Variants in RBMS3 observed in about 807,000 individuals in gnomAD.
The protein encoded by RBMS3 is RNA binding motif single stranded interacting protein 3.
In RBMS3, 27 loss-of-function variants were observed where a neutral mutation model predicts 66.8. The observed-to-expected ratio is 0.40, with a 90% CI of 0.30 to 0.56. RBMS3 has a LOEUF of 0.56. Ranked by LOEUF, RBMS3 falls within the 20% of genes least tolerant of loss-of-function variation. The pLI, the probability that RBMS3 is intolerant of heterozygous loss-of-function variation, is 0.40. For synonymous variants in RBMS3, 188 were observed against 183.0 expected, an observed-to-expected ratio of 1.03 and a Z score of -0.22; for missense variants, 513 against 549.5, an observed-to-expected ratio of 0.93 and a Z score of 0.66.
At chr3:29,818,719 T>A (rs1410253094) in intron 6 of RBMS3, among the ~76,000 whole-genome samples, 1 of 152,184 alleles carries the variant, frequency 6.6e-6, no homozygotes. Context: ...TCTTCAAGCA[T>A]CCCATTTTAT....
At chr3:29,866,660 T>C (rs1343034274) in intron 6 of RBMS3, among the ~76,000 whole-genome samples, 1 of 152,174 alleles carries the variant, frequency 6.6e-6, no homozygotes, top group Non-Finnish European at 1.5e-5. Flanking sequence ...TCAGAGAATA[T>C]TGGGATGCAA....
intron 6 of RBMS3, among the ~76,000 whole-genome samples, chr3:29,765,351 G>C (rs1003218189): frequency 1.3e-5 from 2 of 151,818 alleles, no homozygotes; most frequent in Non-Finnish European, 2.9e-5. Flanking sequence ...TTTAAGACAG[G>C]GAGTAGGATA....
chr3:29,346,285 A>G (rs746490328), intron 1 of RBMS3, among the ~76,000 whole-genome samples: 2 of 151,960 alleles, frequency 1.3e-5, no homozygotes, highest in African/African-American at 4.8e-5. Flanking sequence ...AACCAAAGCC[A>G]TATTTTTAAG....
At chr3:29,551,719 T>C (rs924655301) in intron 3 of RBMS3, among the ~76,000 whole-genome samples, 8 of 152,194 alleles carry the variant, frequency 5.3e-5, no homozygotes, top group African/African-American at 1.9e-4. Flanking sequence ...TAAAAAGTAA[T>C]CTGACAATTC....
At chr3:29,871,114 T>C (rs1448265063) in intron 7 of RBMS3, among the ~76,000 whole-genome samples, 1 of 152,148 alleles carries the variant, frequency 6.6e-6, no homozygotes, top group Non-Finnish European at 1.5e-5. Flanking sequence ...TAAGCAATAT[T>C]TAATTAATTT....
intron 10 of RBMS3, among the ~76,000 whole-genome samples, chr3:29,927,594 T>C (rs1289872382): frequency 6.6e-6 from 1 of 152,050 alleles, no homozygotes; most frequent in Non-Finnish European, 1.5e-5. Context: ...AATTTAGTAT[T>C]TGATAAGAAT....
At chr3:29,587,715 G>T (rs2047583952) in intron 4 of RBMS3, among the ~76,000 whole-genome samples, 1 of 151,870 alleles carries the variant, frequency 6.6e-6, no homozygotes, top group African/African-American at 2.4e-5. Flanking sequence ...TCTGATCTGT[G>T]CAGGGAAATG....
In RBMS3 at chr3:29,883,990, T is replaced by C. The variant is rs566704095; in HGVS notation, c.745-172T>C. On this transcript the variant is annotated intron_variant, in intron 7 of 14. Coordinates refer to ENST00000383767, the MANE Select transcript of RBMS3 (RefSeq NM_001003793.3). ...CTCCCAACTCACTGGTATATTCTGG[T>C]TTGTGGATAGTAAAAATGCTAGTCT... Among the ~76,000 whole-genome samples, 552 of 152,096 alleles carry C rather than the reference T, an allele frequency of 3.6e-3. 1 individual carries two copies. The highest frequency in any genetic ancestry group is 0.012 in the African/African-American group (497 of 41,534).
intron 1 of RBMS3, among the ~76,000 whole-genome samples, chr3:29,358,273 G>GT (rs937268217): frequency 2.3e-4 from 35 of 152,286 alleles, no homozygotes; most frequent in Non-Finnish European, 2.8e-4. Flanking sequence ...TGGCTAGCCA[G>GT]TTTTCCCAGC....
At chr3:29,999,255 A>G (rs1389756633) in intron 14 of RBMS3, among the ~76,000 whole-genome samples, 1 of 152,236 alleles carries the variant, frequency 6.6e-6, no homozygotes, top group Non-Finnish European at 1.5e-5. Context: ...TTAAAAAGTC[A>G]GGAAACAACA....
intron 4 of RBMS3, among the ~76,000 whole-genome samples, chr3:29,691,804 A>G (rs1037491452): frequency 1.3e-5 from 2 of 152,050 alleles, no homozygotes; most frequent in Non-Finnish European, 2.9e-5. Context: ...TTCTTCCTCT[A>G]GATGCCATCT....
At position 29,447,277 on chromosome 3, in the gene RBMS3, G is replaced by A. The variant is rs1296879204; in HGVS notation, c.248+12362G>A. The stretch of plus-strand genomic sequence containing the variant: ...CATTTAAGTAATTACAGTAAATTTA[G>A]AATCAGGAAGATAGATGCTTAAATA... On this transcript the variant is annotated intron_variant, in intron 2 of 14. Transcript: ENST00000383767. Among the ~76,000 whole-genome samples the A allele has an allele frequency of 2.6e-5, 4 of 152,226 alleles. No individual in the cohort carries two copies. In the East Asian group the frequency reaches 7.7e-4, roughly 29 times the overall value.
chr3:29,439,267 A>G (rs1390266827), intron 2 of RBMS3, among the ~76,000 whole-genome samples: 1 of 152,192 alleles, frequency 6.6e-6, no homozygotes, highest in African/African-American at 2.4e-5. Context: ...ATTGTCATAA[A>G]CAGGAAGTTC....
chr3:29,952,949 T>A (rs891856911), intron 12 of RBMS3, among the ~76,000 whole-genome samples: 1 of 151,880 alleles, frequency 6.6e-6, no homozygotes, highest in African/African-American at 2.4e-5. Context: ...ATTGAGATTC[T>A]TGAGATACTT....
intron 5 of RBMS3, among the ~76,000 whole-genome samples, chr3:29,747,451 T>TAGATAGATA (rs1553655865): frequency 2.8e-5 from 4 of 144,942 alleles, no homozygotes; most frequent in African/African-American, 1.1e-4. Flanking sequence ...GATAGATAGA[T>TAGATAGATA]GTCAGGTCAC....
At chr3:29,530,150 C>G (rs1047523304) in intron 3 of RBMS3, among the ~76,000 whole-genome samples, 1 of 152,118 alleles carries the variant, frequency 6.6e-6, no homozygotes, top group African/African-American at 2.4e-5. Flanking sequence ...CTAAGCTGAC[C>G]TATGTATAGC....
At chr3:29,774,652 A>G (rs1222512456) in intron 6 of RBMS3, among the ~76,000 whole-genome samples, 1 of 152,052 alleles carries the variant, frequency 6.6e-6, no homozygotes, top group East Asian at 1.9e-4. Flanking sequence ...TTTTATCATA[A>G]TACGAATTCA....
chr3:29,881,126 TC>T (rs1245421944), intron 7 of RBMS3, among the ~76,000 whole-genome samples: 1 of 152,048 alleles, frequency 6.6e-6, no homozygotes, highest in Non-Finnish European at 1.5e-5. Context: ...CACTCACCTT[TC>T]CATTTTTATT....
chr3:29,394,498 G>A (rs1261359358), intron 1 of RBMS3, among the ~76,000 whole-genome samples: 2 of 152,158 alleles, frequency 1.3e-5, no homozygotes, highest in African/African-American at 4.8e-5. Context: ...GACAGGCATA[G>A]GAAGTTATAA....
Sources: allele counts gnomAD v4.1 joint callset (sites outside exome capture counted in the v4.1 genomes callset), GRCh38; gene constraint gnomAD v4.1.1; transcripts MANE v1.5; gene names NCBI Gene and HGNC (gene_info 2026-07-23, HGNC 2026-07-21).